LOXHD1: variants seen among roughly 807,000 people sequenced by gnomAD.
The protein encoded by LOXHD1 is lipoxygenase homology domain-containing protein 1.
A neutral mutation model predicts 248.2 loss-of-function variants in LOXHD1; 205 were observed. That is an observed-to-expected ratio of 0.83 (90% CI 0.74 to 0.93). The LOEUF (loss-of-function observed/expected upper bound fraction) is 0.93, where lower values mean the gene tolerates loss of function less well. Among genes scored for constraint, LOXHD1 ranks in the 40% least tolerant of loss-of-function variants. The probability of loss-of-function intolerance (pLI) is 0.00; values close to 1 mark genes in which losing one functional copy is unlikely to be tolerated. For synonymous variants in LOXHD1, 1,113 were observed against 1,162.8 expected, an observed-to-expected ratio of 0.96 and a Z score of 0.87; for missense variants, 2,930 against 2,971.6, an observed-to-expected ratio of 0.99 and a Z score of 0.33.
intron 5 of LOXHD1, among the ~76,000 whole-genome samples, chr18:46,617,525 ACCTGGAGATTT>A (rs1165135856): frequency 1.4e-5 from 2 of 147,980 alleles, no homozygotes; most frequent in Non-Finnish European, 3.0e-5. Context: ...TAGCACTGGC[ACCTGGAGATTT>A]CTCTTTTTTT....
chr18:46,654,465 T>C (rs1204660820), intron 1 of LOXHD1, among the ~76,000 whole-genome samples: 2 of 152,186 alleles, frequency 1.3e-5, no homozygotes, highest in African/African-American at 2.4e-5. Flanking sequence ...AGTTCTGGAA[T>C]GAGTTATTCT....
rs538079094 is a variant in LOXHD1 at position 46,557,253 on chromosome 18, G to A, written c.3350+103C>T. 2.4e-4 allele frequency: 173 copies of A among 716,060 alleles called. 1 individual carries two copies. Among genetic ancestry groups the A allele is most frequent in the East Asian group, 1.3e-3 (20 of 15,808 alleles). 44.4% of individuals were successfully genotyped at this position (716,060 alleles called of 1,614,324 possible). On this transcript the variant is annotated intron_variant, in intron 21 of 40. Transcript: ENST00000642948. ...ACCCAGCCCACCCTCACCCTCCACC[G>A]TCACAGCCGGCCCACCCCCAGTCTT...
intron 16 of LOXHD1, among the ~76,000 whole-genome samples, chr18:46,568,640 T>A (rs115102462): frequency 0.013 from 1,953 of 152,276 alleles, 42 homozygotes; most frequent in African/African-American, 0.045. Flanking sequence ...CAAACCCAGA[T>A]GGGTTCCACA....
chr18:46,575,578 G>A (rs185972490), intron 14 of LOXHD1, among the ~76,000 whole-genome samples: 16 of 152,304 alleles, frequency 1.1e-4, no homozygotes, highest in African/African-American at 2.6e-4. Context: ...GTGAGGAGGC[G>A]CAGAGAGAAG....
At chr18:46,652,202 G>A (rs1308241800) in intron 1 of LOXHD1, among the ~76,000 whole-genome samples, 4 of 152,180 alleles carry the variant, frequency 2.6e-5, no homozygotes, top group African/African-American at 7.2e-5. Context: ...GCAGGAAGCA[G>A]AAATGTGGTT....
At chr18:46,568,622 T>C (rs1176517963) in intron 16 of LOXHD1, among the ~76,000 whole-genome samples, 1 of 152,156 alleles carries the variant, frequency 6.6e-6, no homozygotes, top group Non-Finnish European at 1.5e-5. Flanking sequence ...CCATAAAGCA[T>C]CAGTTAGCAA....
At chr18:46,557,998 C>T (rs957759324) in intron 20 of LOXHD1, 4 of 1,002,672 alleles carry the variant, frequency 4.0e-6, no homozygotes, top group South Asian at 4.5e-5. Context: ...ATATGGATCA[C>T]ACCATGTGAA....
At chr18:46,614,832 A>C (rs1402063403) in intron 5 of LOXHD1, among the ~76,000 whole-genome samples, 1 of 152,202 alleles carries the variant, frequency 6.6e-6, no homozygotes, top group African/African-American at 2.4e-5. Context: ...ATCAAAAATC[A>C]TAAAATAAAC....
chr18:46,550,579 CAAAAA>C (rs754046200), intron 21 of LOXHD1, among the ~76,000 whole-genome samples: 42 of 45,468 alleles, frequency 9.2e-4, no homozygotes, highest in Admixed American at 1.5e-3. Flanking sequence ...GACTCCGTCT[CAAAAA>C]AAAAAAAAAA....
At position 46,505,912 on chromosome 18, in the gene LOXHD1, G is replaced by A. The variant is rs377485179; in HGVS notation, c.5804C>T (p.Thr1935Met). The A allele has an allele frequency of 5.3e-5, 83 of 1,551,942 alleles. No individual in the cohort carries two copies. The highest frequency in any genetic ancestry group is 7.8e-5 in the Admixed American group (4 of 51,008). ...CATGTCAGGGAAGTTGAATGTGTCC[G>A]TGTTGTTCCGCTCAAACTTGTTCCA... The part of the protein sequence containing the change: ...ANWNKFERNN[T>M]DTFNFPDMLS... The change falls in exon 37 of 41, where the codon ACG becomes ATG. Residue 1935 changes from threonine (T) to methionine (M), a missense_variant. By Grantham distance (81) the Thr-to-Met change is moderately conservative. Transcript: ENST00000642948.
intron 10 of LOXHD1, 100 bp downstream of exon 10, chr18:46,593,500 A>G: frequency 7.3e-7 from 1 of 1,369,370 alleles, no homozygotes. Flanking sequence ...TTGTCTTCAA[A>G]CTTGGTCCAA....
intron 23 of LOXHD1, chr18:46,544,759 A>G (rs1160650313): frequency 6.4e-6 from 3 of 468,726 alleles, no homozygotes; most frequent in African/African-American, 2.0e-5. Flanking sequence ...CTACCAGCAC[A>G]TTGTTGTAGT....
chr18:46,601,378 C>T lies in LOXHD1; in HGVS notation c.973G>A (p.Gly325Arg). 1.3e-6 allele frequency: 2 copies of T among 1,551,756 alleles called. No individual in the cohort carries two copies. The highest frequency in any genetic ancestry group is 2.4e-5 in the East Asian group (1 of 40,928). Residue 325 changes from glycine (G) to arginine (R), a missense_variant, in exon 8 of 41, where the codon GGG becomes AGG. Gly to Arg is a moderately radical substitution (Grantham distance 125, BLOSUM62 -2). Coordinates refer to ENST00000642948, the MANE Select transcript of LOXHD1 (RefSeq NM_001384474.1). Reference sequence around the variant, plus strand: ...AAGATTTTCCCACTGTTCTTATTCCCTCTGGCCCCATACATGACCAAGTAG... The same window carrying T: ...AAGATTTTCCCACTGTTCTTATTCCTTCTGGCCCCATACATGACCAAGTAG... ...KIYLVMYGAR[G>R]NKNSGKIFLE...
chr18:46,632,784 C>A (rs1341045190), intron 4 of LOXHD1, among the ~76,000 whole-genome samples: 1 of 152,206 alleles, frequency 6.6e-6, no homozygotes, highest in Non-Finnish European at 1.5e-5. Context: ...GCCAGGACCC[C>A]TGACGCCCAC....
intron 29 of LOXHD1, among the ~76,000 whole-genome samples, chr18:46,528,429 T>A (rs1353983306): frequency 2.0e-5 from 3 of 152,084 alleles, no homozygotes; most frequent in Non-Finnish European, 4.4e-5. Context: ...AGCCCACCCT[T>A]AGAGACTCCT....
chr18:46,493,699 A>G (rs910435649), intron 37 of LOXHD1, among the ~76,000 whole-genome samples: 2 of 152,178 alleles, frequency 1.3e-5, no homozygotes, highest in African/African-American at 4.8e-5. Flanking sequence ...AGGCTTAGAA[A>G]CTGTGCAGTG....
Position 46,610,805 on chromosome 18 carries a change from C to A in LOXHD1, c.730G>T (p.Gly244Trp), listed in dbSNP as rs550616825. Residue 244 changes from glycine to tryptophan, a missense_variant, in exon 6 of 41, where the codon GGG becomes TGG. Physicochemically the swap from Gly to Trp is radical, Grantham distance 184. Transcript: ENST00000642948. ...GACAGGAACCAACCTGCAGAGCCCCCCTTATTGTTGTGGCCAACATTGATC... is the reference window on the plus strand; with the variant it reads ...GACAGGAACCAACCTGCAGAGCCCCACTTATTGTTGTGGCCAACATTGATC... ...MKINVGHNNK[G>W]GSAGWFLSQI... 3.9e-6 allele frequency: 6 copies of A among 1,551,630 alleles called. No homozygotes were observed. The South Asian group carries it at 7.1e-5, about 18-fold the overall frequency.
chr18:46,569,361 C>T (rs2037706152), intron 16 of LOXHD1, 81 bp downstream of exon 16: 4 of 1,190,154 alleles, frequency 3.4e-6, no homozygotes, highest in South Asian at 1.4e-5. Flanking sequence ...TGTGTGTGGA[C>T]ATATGTGTGT....
At chr18:46,534,264 A>G in intron 27 of LOXHD1, 71 bp downstream of exon 27, 2 of 1,067,596 alleles carry the variant, frequency 1.9e-6, no homozygotes, top group African/African-American at 1.6e-5. Context: ...AGGTCCTCAC[A>G]GGGAATTTGC....
Sources: allele counts gnomAD v4.1 joint callset (sites outside exome capture counted in the v4.1 genomes callset), GRCh38; gene constraint gnomAD v4.1.1; transcripts MANE v1.5; gene names NCBI Gene and HGNC (gene_info 2026-07-23, HGNC 2026-07-21).